The following TTC5 variants were observed in gnomAD, a reference collection of about 807,000 sequenced individuals.
TTC5 encodes the protein tetratricopeptide repeat domain 5.
In TTC5, 46 loss-of-function variants were observed where a neutral mutation model predicts 57.4. The ratio of observed to expected loss-of-function variants is 0.80; its 90% CI spans 0.63 to 1.03. The LOEUF is 1.03. TTC5 is among the 50% of genes least tolerant of loss of function. TTC5 has a pLI of 0.00. For synonymous variants in TTC5, 190 were observed against 203.5 expected (o/e 0.93, Z 0.57); for missense variants, 504 against 528.1 (o/e 0.95, Z 0.45).
rs1369205540 is a variant in TTC5 at position 20,301,959 on chromosome 14, C to T, written c.58G>A (p.Val20Met). The T allele has an allele frequency of 6.2e-7, 1 of 1,613,896 alleles. No individual in the cohort carries two copies. Among genetic ancestry groups the T allele is most frequent in the Non-Finnish European group, 8.5e-7 (1 of 1,179,880 alleles). Residue 20 changes from valine to methionine, a missense_variant, in exon 2 of 10, where the codon GTG becomes ATG. Coordinates refer to ENST00000258821, the MANE Select transcript of TTC5 (RefSeq NM_138376.3). ...TCTCGAAATGAGTAGAGCTGATCCACGAGTTCCTAAAAAGTATGACAATGG... is the reference window on the plus strand; with the variant it reads ...TCTCGAAATGAGTAGAGCTGATCCATGAGTTCCTAAAAAGTATGACAATGG... ...KPILQKLQEL[V>M]DQLYSFRDCY... is the part of the protein sequence containing the mutation.
chr14:20,295,145 G>A, intron 8 of TTC5, 167 bp downstream of exon 8: 1 of 637,202 alleles, frequency 1.6e-6, no homozygotes, highest in Non-Finnish European at 2.7e-6. Context: ...ATCAAAAGAT[G>A]GTTAAACATC....
rs1881851563 is a variant in TTC5 at position 20,287,006 on chromosome 14, A to T, written c.*2621T>A. The T allele has an allele frequency of 6.6e-6, 1 of 152,188 alleles. No individual in the cohort carries two copies. Among genetic ancestry groups the T allele is most frequent in the African/African-American group, 2.4e-5 (1 of 41,450 alleles). 9.4% of individuals were successfully genotyped at this position (152,188 alleles called of 1,614,324 possible). A position where few individuals can be genotyped will look rare whatever the true frequency, so the allele number is the denominator to read the frequency against. On this transcript the variant is annotated 3_prime_UTR_variant, in exon 10 of 10. Transcript: ENST00000258821. The stretch of plus-strand genomic sequence containing the variant: ...AAGATAATACCAAGCACAGAAGAGG[A>T]TGGGGAGCATTGGGGTGACTCATCT...
chr14:20,291,898 TTATTTC>T, intron 9 of TTC5, 79 bp downstream of exon 9: 3 of 1,238,800 alleles, frequency 2.4e-6, no homozygotes, highest in Non-Finnish European at 3.1e-6. Flanking sequence ...TTACATATAA[TTATTTC>T]TATATCTTTT....
intron 2 of TTC5, 104 bp downstream of exon 2, chr14:20,301,729 C>A (rs1594266925): frequency 6.8e-7 from 1 of 1,464,998 alleles, no homozygotes; most frequent in East Asian, 2.3e-5. Context: ...TTGTACTACC[C>A]TATAGCAGTA....
intron 9 of TTC5, among the ~76,000 whole-genome samples, chr14:20,290,798 T>A (rs1881938019): frequency 6.6e-6 from 1 of 152,194 alleles, no homozygotes; most frequent in Admixed American, 6.5e-5. Context: ...TCGGAGGTCA[T>A]CAAAGTATTT....
Position 20,289,095 on chromosome 14 carries a change from G to C in TTC5, c.*532C>G, listed in dbSNP as rs1320950263. 4 of 149,098 alleles carry C rather than the reference G, an allele frequency of 2.7e-5. No individual in the cohort carries two copies. Among genetic ancestry groups the C allele is most frequent in the Non-Finnish European group, 5.9e-5 (4 of 67,536 alleles). The allele number at this position is 149,098 out of a possible 1,614,324, so 9.2% of individuals were successfully genotyped here. On this transcript the variant is annotated 3_prime_UTR_variant, in exon 10 of 10. Transcript: ENST00000258821. The stretch of plus-strand genomic sequence containing the variant: ...AGTGATCCTAAAACAAAGAATACAG[G>C]CCTAGGGAGAATAAAGCAGGCCAAA...
chr14:20,299,371 A>AGAAT lies in TTC5; in HGVS notation c.470_473dup (p.His159PhefsTer12). 3.1e-6 allele frequency: 5 copies of AGAAT among 1,614,130 alleles called. No individual in the cohort carries two copies. The highest frequency in any genetic ancestry group is 4.2e-6 in the Non-Finnish European group (5 of 1,179,994). On this transcript the variant is annotated frameshift_variant, in exon 4 of 10. Coordinates refer to ENST00000258821, the MANE Select transcript of TTC5 (RefSeq NM_138376.3). LOFTEE classifies it high-confidence loss of function. ...GTCGGACACTGTCCATGACATGGTG[A>AGAAT]GAATGTTCATCTTCAGTGTCAGTCC...
At position 20,289,454 on chromosome 14, in the gene TTC5, T is replaced by G; in HGVS notation, c.*173A>C. ...TGTGGCCCTGTAGAGAGCTGGAACATGATGAGGACAGAGGAGAGAGAAGAG... is the reference window on the plus strand; with the variant it reads ...TGTGGCCCTGTAGAGAGCTGGAACAGGATGAGGACAGAGGAGAGAGAAGAG... On this transcript the variant is annotated 3_prime_UTR_variant, in exon 10 of 10. Transcript: ENST00000258821. 1 of 653,484 alleles carries G rather than the reference T, an allele frequency of 1.5e-6. No individual in the cohort carries two copies. The highest frequency in any genetic ancestry group is 2.4e-6 in the Non-Finnish European group (1 of 422,674). 40.5% of individuals were successfully genotyped at this position (653,484 alleles called of 1,614,324 possible).
chr14:20,301,471 C>A (rs778802020), intron 2 of TTC5, among the ~76,000 whole-genome samples: 7 of 151,458 alleles, frequency 4.6e-5, no homozygotes, highest in Non-Finnish European at 8.9e-5. Flanking sequence ...TTTAAAGATA[C>A]CTGAGCAAAA....
intron 8 of TTC5, 90 bp from the exon 9 acceptor site, chr14:20,292,217 C>T (rs976981869): frequency 1.1e-6 from 1 of 914,074 alleles, no homozygotes; most frequent in African/African-American, 1.7e-5. Context: ...AAAATACTAG[C>T]AAAATACTGG....
chr14:20,304,308 A>C (rs1407299770), intron 1 of TTC5, among the ~76,000 whole-genome samples: 1 of 152,220 alleles, frequency 6.6e-6, no homozygotes, highest in Admixed American at 6.5e-5. Context: ...GGAACAGACT[A>C]GCACCCTCTG....
intron 8 of TTC5, 83 bp downstream of exon 8, chr14:20,295,229 C>G (rs61995497): frequency 0.075 from 96,000 of 1,285,500 alleles, 4,059 homozygotes; most frequent in Middle Eastern, 0.09. Flanking sequence ...CACTGACAAT[C>G]TCCTCAACTG....
At chr14:20,293,500 T>C (rs1450662685) in intron 8 of TTC5, 2 of 152,146 alleles carry the variant, frequency 1.3e-5, no homozygotes, top group African/African-American at 4.8e-5. Flanking sequence ...ATGAAGGACT[T>C]TGTATGCTAA....
At chr14:20,299,221 A>C in intron 4 of TTC5, 77 bp downstream of exon 4, 1 of 1,512,534 alleles carries the variant, frequency 6.6e-7, no homozygotes, top group Non-Finnish European at 9.0e-7. Flanking sequence ...TCACACTCAA[A>C]AGAGGGACTG....
chr14:20,293,560 G>A (rs544540569), intron 8 of TTC5: 5 of 152,260 alleles, frequency 3.3e-5, no homozygotes, highest in South Asian at 2.1e-4. Context: ...TACCAGTAAG[G>A]GATCTTAAAT....
chr14:20,296,504 GCCCAA>G, intron 5 of TTC5, 58 bp from the exon 6 acceptor site: 2 of 1,341,966 alleles, frequency 1.5e-6, no homozygotes, highest in Non-Finnish European at 2.1e-6. Context: ...GGACTGACAT[GCCCAA>G]CATGTCCTAC....
intron 5 of TTC5, 76 bp downstream of exon 5, chr14:20,298,721 G>T: frequency 9.3e-7 from 1 of 1,074,536 alleles, no homozygotes; most frequent in Non-Finnish European, 1.4e-6. Flanking sequence ...TTGCTAAAGG[G>T]CCACAAAGAA....
At chr14:20,289,870 T>C (rs1481622172) in intron 9 of TTC5, 124 bp from the exon 10 acceptor site, 2 of 1,048,024 alleles carry the variant, frequency 1.9e-6, no homozygotes, top group African/African-American at 1.6e-5. Flanking sequence ...TCTACTTCCA[T>C]CTCACATCAG....
At chr14:20,296,482 T>G (rs989643724) in intron 5 of TTC5, 36 bp from the exon 6 acceptor site, 2 of 1,541,128 alleles carry the variant, frequency 1.3e-6, no homozygotes, top group African/African-American at 2.7e-5. Flanking sequence ...GTGGATCCTG[T>G]CTCAATGTTA....
Sources: allele counts gnomAD v4.1 joint callset (sites outside exome capture counted in the v4.1 genomes callset), GRCh38; gene constraint gnomAD v4.1.1; transcripts MANE v1.5; gene names NCBI Gene and HGNC (gene_info 2026-07-23, HGNC 2026-07-21).